Variants in CHRNA7 observed in about 807,000 individuals in gnomAD.
The protein encoded by CHRNA7 is cholinergic receptor nicotinic alpha 7 subunit.
In CHRNA7, 17 loss-of-function variants were observed where a neutral mutation model predicts 48.0. The observed-to-expected ratio is 0.35, with a 90% confidence interval of 0.24 to 0.53. CHRNA7 has a LOEUF of 0.53. CHRNA7 is among the 20% of genes least tolerant of loss of function. The pLI is 0.92. For missense variants in CHRNA7, 155 were observed against 577.7 expected, an observed-to-expected ratio of 0.27 and a Z score of 7.50; for synonymous variants, 75 against 242.3, an observed-to-expected ratio of 0.31 and a Z score of 6.41.
At chr15:32,101,554 C>G in intron 3 of CHRNA7, 1 of 567,130 alleles carries the variant, frequency 1.8e-6, no homozygotes, top group Non-Finnish European at 3.1e-6. Flanking sequence ...GTGCTCAACA[C>G]ATGCACAAGA....
chr15:32,126,182 A>G (rs991690780), intron 4 of CHRNA7, among the ~76,000 whole-genome samples: 1 of 152,212 alleles, frequency 6.6e-6, no homozygotes, highest in Non-Finnish European at 1.5e-5. Context: ...TTGTGCCTGT[A>G]ACATAGCTCC....
At chr15:32,114,040 ATATG>A (rs1181786161) in intron 4 of CHRNA7, among the ~76,000 whole-genome samples, 7 of 64,862 alleles carry the variant, frequency 1.1e-4, no homozygotes, top group African/African-American at 3.3e-4. Flanking sequence ...ATATATATAT[ATATG>A]TATATATATA....
chr15:32,051,663 G>A (rs1336638346), intron 2 of CHRNA7, among the ~76,000 whole-genome samples: 2 of 152,192 alleles, frequency 1.3e-5, no homozygotes, highest in Non-Finnish European at 2.9e-5. Context: ...CGACTGTGCT[G>A]CGCCCACTGT....
chr15:32,152,916 G>GT (rs2051661120), intron 4 of CHRNA7, among the ~76,000 whole-genome samples: 1 of 152,098 alleles, frequency 6.6e-6, no homozygotes, highest in Non-Finnish European at 1.5e-5. Context: ...GTGTGTGTGT[G>GT]GGTGTGTGTC....
intron 2 of CHRNA7, among the ~76,000 whole-genome samples, chr15:32,060,301 A>G (rs879352418): frequency 7.9e-5 from 12 of 152,216 alleles, no homozygotes; most frequent in Non-Finnish European, 1.3e-4. Flanking sequence ...TTCTATATCT[A>G]TATCATCTAT....
chr15:32,051,857 A>C (rs1186570508), intron 2 of CHRNA7, among the ~76,000 whole-genome samples: 1 of 152,104 alleles, frequency 6.6e-6, no homozygotes, highest in Non-Finnish European at 1.5e-5. Context: ...TTGTATTTTT[A>C]GTAGAGACGG....
chr15:32,051,986 G>A (rs9672321), intron 2 of CHRNA7, among the ~76,000 whole-genome samples: 42,041 of 152,068 alleles, frequency 0.28, 7,319 homozygotes, highest in East Asian at 0.61. Flanking sequence ...CCTCTCTTCA[G>A]TAAGTCTTGA....
intron 3 of CHRNA7, among the ~76,000 whole-genome samples, chr15:32,105,657 A>G (rs768026417): frequency 1.3e-5 from 2 of 152,072 alleles, no homozygotes; most frequent in African/African-American, 4.8e-5. Flanking sequence ...AGAGAAGGAG[A>G]GGCACAAATT....
At chr15:32,047,237 A>T (rs1160490093) in intron 2 of CHRNA7, among the ~76,000 whole-genome samples, 2 of 144,410 alleles carry the variant, frequency 1.4e-5, no homozygotes, top group Non-Finnish European at 3.0e-5. Context: ...TGGGGATGGC[A>T]TTGAATCTAT....
At chr15:32,114,610 C>T (rs1229875025) in intron 4 of CHRNA7, among the ~76,000 whole-genome samples, 1 of 152,172 alleles carries the variant, frequency 6.6e-6, no homozygotes, top group East Asian at 1.9e-4. Flanking sequence ...GAAGTAACTA[C>T]TAAATATATT....
intron 2 of CHRNA7, among the ~76,000 whole-genome samples, chr15:32,068,726 G>GAA (rs201638097): frequency 1.4e-5 from 2 of 141,768 alleles, no homozygotes; most frequent in South Asian, 2.2e-4. Context: ...CCATCTCGGG[G>GAA]AAAAAAAAAA....
intron 4 of CHRNA7, among the ~76,000 whole-genome samples, chr15:32,120,600 G>A (rs1282517081): frequency 6.6e-6 from 1 of 151,966 alleles, no homozygotes; most frequent in Admixed American, 6.5e-5. Context: ...ACTGCTGTCT[G>A]TGCAAGAGTT....
chr15:32,121,147 A>G (rs1041135901), intron 4 of CHRNA7, among the ~76,000 whole-genome samples: 4 of 152,166 alleles, frequency 2.6e-5, no homozygotes, highest in African/African-American at 9.7e-5. Flanking sequence ...CCCGAGCTGG[A>G]TGTGCCCCAT....
chr15:32,121,724 G>A (rs573915626), intron 4 of CHRNA7, among the ~76,000 whole-genome samples: 6 of 152,264 alleles, frequency 3.9e-5, no homozygotes, highest in African/African-American at 9.6e-5. Context: ...TGTTAATGGT[G>A]CCTTTTTTCA....
intron 4 of CHRNA7, among the ~76,000 whole-genome samples, chr15:32,140,612 T>A (rs1404476676): frequency 6.6e-6 from 1 of 152,220 alleles, no homozygotes; most frequent in Non-Finnish European, 1.5e-5. Flanking sequence ...TGATTGCCAT[T>A]CTAACTGGTG....
chr15:32,139,529 T>G (rs1476624984), intron 4 of CHRNA7, among the ~76,000 whole-genome samples: 3 of 152,150 alleles, frequency 2.0e-5, no homozygotes, highest in Admixed American at 6.5e-5. Flanking sequence ...GCATTTGGTG[T>G]TGTCAGTGTT....
intron 2 of CHRNA7, among the ~76,000 whole-genome samples, chr15:32,036,553 A>G (rs1451583725): frequency 1.3e-5 from 2 of 152,226 alleles, no homozygotes; most frequent in Admixed American, 6.5e-5. Flanking sequence ...CTCACCAGCA[A>G]TGAATGAGAG....
chr15:32,065,991 G>C (rs530279576), intron 2 of CHRNA7, among the ~76,000 whole-genome samples: 1 of 152,202 alleles, frequency 6.6e-6, no homozygotes, highest in South Asian at 2.1e-4. Context: ...ATAGCCCACT[G>C]CAAACACTGG....
intron 3 of CHRNA7, chr15:32,103,290 A>G (rs913210979): frequency 6.6e-6 from 1 of 152,124 alleles, no homozygotes; most frequent in African/African-American, 2.4e-5. Flanking sequence ...CACACCTGTA[A>G]TCCCAGCTAC....
Sources: allele counts gnomAD v4.1 joint callset (sites outside exome capture counted in the v4.1 genomes callset), GRCh38; gene constraint gnomAD v4.1.1; transcripts MANE v1.5; gene names NCBI Gene and HGNC (gene_info 2026-07-23, HGNC 2026-07-21).